Variants in EPRS1 observed in about 807,000 individuals in gnomAD.
EPRS1 encodes bifunctional glutamate/proline--tRNA ligase.
A neutral mutation model predicts 188.3 loss-of-function variants in EPRS1; 107 were observed. The ratio of observed to expected loss-of-function variants is 0.57; its 90% CI spans 0.49 to 0.67. The LOEUF (loss-of-function observed/expected upper bound fraction) is 0.67, where lower values mean the gene tolerates loss of function less well. Ranked by LOEUF, EPRS1 falls within the 30% of genes least tolerant of loss-of-function variation. EPRS1 has a pLI of 0.00. For missense variants in EPRS1, 1,577 were observed against 1,802.2 expected, an observed-to-expected ratio of 0.88 and a Z score of 2.26; for synonymous variants, 596 against 593.1, an observed-to-expected ratio of 1.00 and a Z score of -0.07.
chr1:219,986,642 C>T (rs997153815), intron 20 of EPRS1, among the ~76,000 whole-genome samples: 1 of 152,096 alleles, frequency 6.6e-6, no homozygotes, highest in East Asian at 1.9e-4. Context: ...TATATTTAAA[C>T]TATCAATTTT....
At chr1:219,978,253 A>T (rs1424636771) in intron 28 of EPRS1, among the ~76,000 whole-genome samples, 2 of 152,212 alleles carry the variant, frequency 1.3e-5, no homozygotes, top group Non-Finnish European at 2.9e-5. Flanking sequence ...TTCCTGGCAT[A>T]AACATTTTAG....
At chr1:219,978,452 G>A in intron 28 of EPRS1, 94 bp downstream of exon 28, 1 of 928,890 alleles carries the variant, frequency 1.1e-6, no homozygotes, top group Non-Finnish European at 1.6e-6. Flanking sequence ...ATAGAGGAAA[G>A]TAATGAGAAA....
At chr1:219,969,197 C>A in intron 30 of EPRS1, 75 bp from the exon 31 acceptor site, 2 of 1,053,298 alleles carry the variant, frequency 1.9e-6, no homozygotes, top group Non-Finnish European at 2.9e-6. Context: ...CATTTGAGTT[C>A]TATATTAAAC....
intron 1 of EPRS1, among the ~76,000 whole-genome samples, 164 bp downstream of exon 1, chr1:220,046,179 G>A (rs1304539237): frequency 6.6e-6 from 1 of 152,130 alleles, no homozygotes; most frequent in African/African-American, 2.4e-5. Flanking sequence ...GACACGGGGC[G>A]AGGGGTGCGG....
intron 16 of EPRS1, among the ~76,000 whole-genome samples, chr1:220,003,031 T>C (rs1661390492): frequency 6.6e-6 from 1 of 152,236 alleles, no homozygotes; most frequent in East Asian, 1.9e-4. Flanking sequence ...AACTCCGTGT[T>C]TAATTTTTGG....
Position 219,978,658 on chromosome 1 carries a change from A to G in EPRS1, c.3971T>C (p.Ile1324Thr). The change falls in exon 28 of 32, where the codon ATT becomes ACT. Residue 1324 changes from isoleucine to threonine, a missense_variant. Physicochemically the swap from Ile to Thr is moderately conservative, Grantham distance 89. Coordinates refer to ENST00000366923, the MANE Select transcript of EPRS1 (RefSeq NM_004446.3). ...CCTTCGATAATCATTGCATTTTGCA[A>G]TCAGCGCTTCTTTGTCTTCTTCAGA... The part of the protein sequence containing the change: ...ALSEEDKEAL[I>T]AKCNDYRRRL... 7 of 1,612,980 alleles carry G rather than the reference A, an allele frequency of 4.3e-6. No individual in the cohort carries two copies. Among genetic ancestry groups the G allele is most frequent in the Non-Finnish European group, 5.9e-6 (7 of 1,179,360 alleles).
intron 16 of EPRS1, among the ~76,000 whole-genome samples, chr1:220,001,778 T>C (rs1463678808): frequency 6.6e-6 from 1 of 152,178 alleles, no homozygotes. Context: ...CCTATAATAC[T>C]GGCACTTTGA....
intron 18 of EPRS1, among the ~76,000 whole-genome samples, chr1:219,994,601 G>A (rs151124275): frequency 2.7e-5 from 4 of 149,344 alleles, no homozygotes; most frequent in Non-Finnish European, 4.4e-5. Context: ...TGTGTAATGC[G>A]ATGTTTTTGA....
chr1:220,024,793 C>A (rs1397587674), intron 7 of EPRS1, among the ~76,000 whole-genome samples: 2 of 152,080 alleles, frequency 1.3e-5, no homozygotes, highest in African/African-American at 4.8e-5. Context: ...GGCTAGGAAA[C>A]CTTCACATTT....
chr1:220,007,246 A>C lies in EPRS1; in HGVS notation c.1698T>G (p.Val566=). 2 of 1,613,828 alleles carry C rather than the reference A, an allele frequency of 1.2e-6. No homozygotes were observed. Among genetic ancestry groups the C allele is most frequent in the Non-Finnish European group, 1.7e-6 (2 of 1,179,782 alleles). The change falls in exon 14 of 32, where the codon GTT becomes GTG. Residue 566 remains valine, a synonymous_variant. Coordinates refer to ENST00000366923, the MANE Select transcript of EPRS1 (RefSeq NM_004446.3). ...TGAGGTTGCCCCAATTTATAAATGT[A>C]ACCATCTCACCCTCCGAAAAAGTCT... ...DAETFSEGEM[V]TFINWGNLNI...
intron 13 of EPRS1, among the ~76,000 whole-genome samples, chr1:220,009,775 G>A (rs1661564295): frequency 1.3e-5 from 2 of 152,010 alleles, no homozygotes; most frequent in Non-Finnish European, 2.9e-5. Flanking sequence ...TAACAAAAAA[G>A]TACTCTATGG....
At chr1:220,041,989 A>G (rs751590737) in intron 1 of EPRS1, among the ~76,000 whole-genome samples, 2 of 152,066 alleles carry the variant, frequency 1.3e-5, no homozygotes, top group Non-Finnish European at 2.9e-5. Context: ...TAGAGAACAT[A>G]TATGTCGAAA....
chr1:220,005,478 A>G, intron 15 of EPRS1, 118 bp from the exon 16 acceptor site: 1 of 540,964 alleles, frequency 1.8e-6, no homozygotes, highest in Admixed American at 3.8e-5. Context: ...ATATGTTAAA[A>G]AGTTCACTAC....
At chr1:220,024,976 G>T in intron 7 of EPRS1, 156 bp downstream of exon 7, 1 of 701,592 alleles carries the variant, frequency 1.4e-6, no homozygotes, top group Non-Finnish European at 2.5e-6. Context: ...ATGGGAGCTC[G>T]ACATTTCTTG....
chr1:220,011,259 A>T (rs1661599950), intron 12 of EPRS1, among the ~76,000 whole-genome samples: 1 of 152,256 alleles, frequency 6.6e-6, no homozygotes, highest in African/African-American at 2.4e-5. Context: ...TGAAGGATTT[A>T]GACTTCTTTC....
At chr1:219,976,682 C>T (rs1400463845) in intron 28 of EPRS1, among the ~76,000 whole-genome samples, 2 of 151,802 alleles carry the variant, frequency 1.3e-5, no homozygotes, top group South Asian at 4.1e-4. Flanking sequence ...GAAGAAATAG[C>T]ACAAGTAAAG....
chr1:219,977,660 A>G (rs1299367582), intron 28 of EPRS1, among the ~76,000 whole-genome samples: 1 of 152,202 alleles, frequency 6.6e-6, no homozygotes, highest in African/African-American at 2.4e-5. Flanking sequence ...TTAGAAAAGC[A>G]TATAAAGAAG....
intron 17 of EPRS1, among the ~76,000 whole-genome samples, chr1:220,000,277 C>T (rs920550139): frequency 6.6e-6 from 1 of 152,202 alleles, no homozygotes; most frequent in African/African-American, 2.4e-5. Context: ...CCATCTCATG[C>T]TTACTCCATG....
At chr1:220,016,176 T>G (rs1330998046) in intron 12 of EPRS1, among the ~76,000 whole-genome samples, 1 of 151,876 alleles carries the variant, frequency 6.6e-6, no homozygotes, top group South Asian at 2.1e-4. Flanking sequence ...AAACCCCGTC[T>G]CCACTAAAAA....
Sources: allele counts gnomAD v4.1 joint callset (sites outside exome capture counted in the v4.1 genomes callset), GRCh38; gene constraint gnomAD v4.1.1; transcripts MANE v1.5; gene names NCBI Gene and HGNC (gene_info 2026-07-23, HGNC 2026-07-21).